Variants in RYR3 observed in about 807,000 individuals in gnomAD.
RYR3 encodes ryanodine receptor 3.
Under a neutral mutation model 584.3 loss-of-function variants are expected in RYR3, and 207 were observed. The observed-to-expected ratio is 0.35, with a 90% CI of 0.32 to 0.40. The LOEUF (loss-of-function observed/expected upper bound fraction) is 0.40. RYR3 is among the 10% of genes least tolerant of loss of function. The pLI is 1.00. For missense variants in RYR3, 5,616 were observed against 6,089.2 expected (o/e 0.92, Z 2.59); for synonymous variants, 2,416 against 2,248.5 (o/e 1.07, Z -2.11).
chr15:33,499,965 C>A (rs2051816416), intron 2 of RYR3, among the ~76,000 whole-genome samples: 1 of 152,176 alleles, frequency 6.6e-6, no homozygotes, highest in African/African-American at 2.4e-5. Flanking sequence ...TGTTGAATAA[C>A]AGGCAGGAGA....
intron 1 of RYR3, among the ~76,000 whole-genome samples, chr15:33,319,727 CAG>C (rs1015218586): frequency 6.6e-6 from 1 of 152,192 alleles, no homozygotes; most frequent in African/African-American, 2.4e-5. Flanking sequence ...GATTACATCT[CAG>C]AGATGTCCTG....
At chr15:33,557,871 G>A (rs1444094275) in intron 10 of RYR3, among the ~76,000 whole-genome samples, 3 of 152,170 alleles carry the variant, frequency 2.0e-5, no homozygotes, top group African/African-American at 7.2e-5. Flanking sequence ...TGTCATTGGA[G>A]GCAGAGGATA....
rs867203095 is a variant in RYR3, at chr15:33,754,960, C to A, written c.8400-105C>A. 3 of 669,366 alleles carry A rather than the reference C, an allele frequency of 4.5e-6. No individual in the cohort carries two copies. In the South Asian group the frequency reaches 5.3e-5, roughly 12 times the overall value. 41.5% of individuals were successfully genotyped at this position (669,366 alleles called of 1,614,324 possible). On this transcript the variant is annotated intron_variant, in intron 57 of 103. Coordinates refer to ENST00000634891, the MANE Select transcript of RYR3 (RefSeq NM_001036.6). The stretch of plus-strand genomic sequence containing the variant: ...GAGTCATGTCACTACGCCAGAATAA[C>A]CACTAACATTTGGAAATTAAATTCA...
chr15:33,717,343 C>G (rs1229725966), intron 43 of RYR3, among the ~76,000 whole-genome samples: 1 of 152,162 alleles, frequency 6.6e-6, no homozygotes, highest in Admixed American at 6.5e-5. Flanking sequence ...AATTACCACC[C>G]AAAACCCGTT....
intron 1 of RYR3, among the ~76,000 whole-genome samples, chr15:33,340,359 T>G (rs1373408101): frequency 1.3e-5 from 2 of 152,220 alleles, no homozygotes; most frequent in African/African-American, 2.4e-5. Context: ...TTTCTTTTGA[T>G]GTTGGAGGCT....
At chr15:33,488,766 G>A (rs547154243) in intron 2 of RYR3, among the ~76,000 whole-genome samples, 8 of 152,040 alleles carry the variant, frequency 5.3e-5, no homozygotes, top group Non-Finnish European at 8.8e-5. Flanking sequence ...GCAGGTAATC[G>A]CTTGAACCCA....
intron 3 of RYR3, among the ~76,000 whole-genome samples, chr15:33,513,019 C>A (rs1265271081): frequency 6.6e-6 from 1 of 152,096 alleles, no homozygotes; most frequent in East Asian, 1.9e-4. Flanking sequence ...GCGTTTCTGG[C>A]AACATGTTTT....
chr15:33,409,521 C>A (rs1010002121), intron 1 of RYR3, among the ~76,000 whole-genome samples: 2 of 152,206 alleles, frequency 1.3e-5, no homozygotes, highest in African/African-American at 4.8e-5. Context: ...TTTCTCCTCC[C>A]TGTGCCACAG....
intron 67 of RYR3, among the ~76,000 whole-genome samples, chr15:33,797,170 GC>G (rs1190636483): frequency 2.0e-5 from 3 of 152,130 alleles, no homozygotes; most frequent in Non-Finnish European, 4.4e-5. Flanking sequence ...TGAGTGACGT[GC>G]CATCTCCTCC....
At chr15:33,806,337 G>A (rs938297962) in intron 69 of RYR3, among the ~76,000 whole-genome samples, 7 of 152,044 alleles carry the variant, frequency 4.6e-5, no homozygotes, top group African/African-American at 1.7e-4. Flanking sequence ...TGATTTTGAA[G>A]GTATAAGAAT....
At chr15:33,663,777 A>G in intron 36 of RYR3, 40 bp downstream of exon 36, 3 of 1,526,972 alleles carry the variant, frequency 2.0e-6, no homozygotes, top group Non-Finnish European at 2.7e-6. Flanking sequence ...TTCCTATGGA[A>G]GAACTTGAGA....
intron 43 of RYR3, among the ~76,000 whole-genome samples, chr15:33,711,017 T>C (rs1333320038): frequency 6.6e-6 from 1 of 152,206 alleles, no homozygotes; most frequent in Non-Finnish European, 1.5e-5. Flanking sequence ...TGGCTCCCTT[T>C]TAGTCATGCA....
intron 38 of RYR3, among the ~76,000 whole-genome samples, chr15:33,681,575 C>T (rs1389308523): frequency 6.6e-6 from 1 of 152,222 alleles, no homozygotes; most frequent in Non-Finnish European, 1.5e-5. Flanking sequence ...TCAAAATACA[C>T]TTGTTCTTTA....
chr15:33,318,129 A>T (rs1399317517), intron 1 of RYR3, among the ~76,000 whole-genome samples: 1 of 152,236 alleles, frequency 6.6e-6, no homozygotes, highest in African/African-American at 2.4e-5. Flanking sequence ...AGTGCAAAGG[A>T]GGCAGAGAGA....
chr15:33,561,182 T>C (rs1377296255), intron 10 of RYR3, among the ~76,000 whole-genome samples: 1 of 152,264 alleles, frequency 6.6e-6, no homozygotes, highest in Admixed American at 6.5e-5. Context: ...CCAAAGTTAA[T>C]TGAAATTTGG....
chr15:33,748,716 G>T (rs2070988161), intron 55 of RYR3, among the ~76,000 whole-genome samples, 186 bp downstream of exon 55: 1 of 152,124 alleles, frequency 6.6e-6, no homozygotes, highest in Admixed American at 6.6e-5. Context: ...ATCCTCCAAG[G>T]GGAGGCTTTG....
intron 67 of RYR3, among the ~76,000 whole-genome samples, chr15:33,790,032 C>T (rs1456449257): frequency 2.5e-5 from 3 of 117,686 alleles, no homozygotes; most frequent in African/African-American, 3.7e-5. Flanking sequence ...CACTCTGTCA[C>T]CCAGGCTGGA....
intron 9 of RYR3, 106 bp downstream of exon 9, chr15:33,548,310 A>G (rs1377032300): frequency 1.3e-5 from 9 of 679,374 alleles, no homozygotes; most frequent in Non-Finnish European, 2.3e-5. Flanking sequence ...AAACTCCTTC[A>G]AGTCCTTTGT....
intron 1 of RYR3, among the ~76,000 whole-genome samples, chr15:33,468,563 T>C (rs574892685): frequency 8.9e-4 from 136 of 152,344 alleles, no homozygotes; most frequent in African/African-American, 3.1e-3. Flanking sequence ...TGGGTGAAAG[T>C]AGGGAAATTT....
Sources: allele counts gnomAD v4.1 joint callset (sites outside exome capture counted in the v4.1 genomes callset), GRCh38; gene constraint gnomAD v4.1.1; transcripts MANE v1.5; gene names NCBI Gene and HGNC (gene_info 2026-07-23, HGNC 2026-07-21).